Variants in DGKB observed in about 807,000 individuals in gnomAD.
DGKB encodes the protein diacylglycerol kinase beta.
A neutral mutation model predicts 114.3 loss-of-function variants in DGKB; 67 were observed. The observed-to-expected ratio is 0.59, with a 90% CI of 0.48 to 0.72. The LOEUF is 0.72. Among genes scored for constraint, DGKB ranks in the 30% least tolerant of loss-of-function variants. DGKB has a pLI of 0.00. For synonymous variants in DGKB, 398 were observed against 323.1 expected, an observed-to-expected ratio of 1.23 and a Z score of -2.49; for missense variants, 907 against 975.2, an observed-to-expected ratio of 0.93 and a Z score of 0.93.
At chr7:14,446,809 T>C (rs1830781415) in intron 21 of DGKB, among the ~76,000 whole-genome samples, 1 of 151,882 alleles carries the variant, frequency 6.6e-6, no homozygotes, top group Non-Finnish European at 1.5e-5. Context: ...TCTAATCCAA[T>C]AGTGAGAGAG....
intron 13 of DGKB, among the ~76,000 whole-genome samples, chr7:14,667,188 G>C (rs1431094174): frequency 6.6e-6 from 1 of 151,876 alleles, no homozygotes; most frequent in East Asian, 1.9e-4. Flanking sequence ...ACAACGATTG[G>C]GGAGGAATGG....
At chr7:14,586,181 A>C (rs758568302) in intron 17 of DGKB, among the ~76,000 whole-genome samples, 1 of 152,152 alleles carries the variant, frequency 6.6e-6, no homozygotes, top group Non-Finnish European at 1.5e-5. Context: ...AAGCGAAGGC[A>C]AAGTTATTGA....
At chr7:14,331,537 A>C (rs1210055113) in intron 23 of DGKB, among the ~76,000 whole-genome samples, 1 of 152,112 alleles carries the variant, frequency 6.6e-6, no homozygotes, top group Non-Finnish European at 1.5e-5. Context: ...TGGATGACAA[A>C]TGTCCATTGC....
At chr7:14,880,332 C>G (rs1854030670) in intron 1 of DGKB, among the ~76,000 whole-genome samples, 1 of 152,124 alleles carries the variant, frequency 6.6e-6, no homozygotes, top group Non-Finnish European at 1.5e-5. Flanking sequence ...GTGGCATACA[C>G]CTGTAGTCCC....
chr7:14,312,744 G>A (rs1284774600), intron 23 of DGKB, among the ~76,000 whole-genome samples: 3 of 152,272 alleles, frequency 2.0e-5, no homozygotes, highest in African/African-American at 7.2e-5. Flanking sequence ...GGGGTAGTTG[G>A]CAGATATTTT....
At chr7:14,284,120 C>G (rs2128460346) in intron 23 of DGKB, among the ~76,000 whole-genome samples, 1 of 152,122 alleles carries the variant, frequency 6.6e-6, no homozygotes, top group East Asian at 1.9e-4. Context: ...GCTCATCTGA[C>G]AAAGGGCTAA....
At chr7:14,837,459 C>T (rs540673771) in intron 2 of DGKB, among the ~76,000 whole-genome samples, 1 of 152,140 alleles carries the variant, frequency 6.6e-6, no homozygotes, top group Non-Finnish European at 1.5e-5. Context: ...TTCCACAGCC[C>T]CACCTTATTC....
intron 1 of DGKB, among the ~76,000 whole-genome samples, chr7:14,863,546 A>T (rs1851282005): frequency 6.6e-6 from 1 of 152,040 alleles, no homozygotes; most frequent in Admixed American, 6.6e-5. Flanking sequence ...AGATGGGCAT[A>T]TACTACATAC....
chr7:14,484,996 C>T (rs115094171), intron 20 of DGKB, among the ~76,000 whole-genome samples: 259 of 151,318 alleles, frequency 1.7e-3, no homozygotes, highest in Non-Finnish European at 3.0e-3. Flanking sequence ...AAAAATAATA[C>T]CATTTACAAT....
intron 23 of DGKB, among the ~76,000 whole-genome samples, chr7:14,214,247 C>T (rs1215507607): frequency 6.6e-6 from 1 of 152,132 alleles, no homozygotes; most frequent in African/African-American, 2.4e-5. Context: ...ATAATCTTGT[C>T]TCTAGCTCTA....
intron 23 of DGKB, among the ~76,000 whole-genome samples, chr7:14,275,010 T>C (rs1030787434): frequency 6.6e-6 from 1 of 151,852 alleles, no homozygotes; most frequent in African/African-American, 2.4e-5. Context: ...TTTCTTCTGT[T>C]TGAAATGGCC....
intron 23 of DGKB, among the ~76,000 whole-genome samples, chr7:14,325,795 G>A (rs940562450): frequency 1.3e-5 from 2 of 152,076 alleles, no homozygotes; most frequent in African/African-American, 4.8e-5. Flanking sequence ...TTCTAGAAGG[G>A]CTACTGGTCC....
intron 2 of DGKB, among the ~76,000 whole-genome samples, chr7:14,798,673 C>T (rs1422916860): frequency 6.6e-6 from 1 of 152,076 alleles, no homozygotes; most frequent in Non-Finnish European, 1.5e-5. Flanking sequence ...TCCCAGGACA[C>T]CCAAAACATC....
chr7:14,374,260 A>G (rs1033709082), intron 21 of DGKB, among the ~76,000 whole-genome samples: 1 of 152,042 alleles, frequency 6.6e-6, no homozygotes, highest in East Asian at 1.9e-4. Context: ...TCCTCTTTTG[A>G]CTTTGGTTTA....
chr7:14,149,293 T>TA (rs1386351832), intron 25 of DGKB, 55 bp from the exon 26 acceptor site: 7 of 1,309,804 alleles, frequency 5.3e-6, no homozygotes, highest in Non-Finnish European at 7.5e-6. Flanking sequence ...TCCAGATAGA[T>TA]ACAATACCAA....
intron 7 of DGKB, 51 bp from the exon 8 acceptor site, chr7:14,698,220 T>G: frequency 8.5e-7 from 1 of 1,174,992 alleles, no homozygotes. Flanking sequence ...TTAGTGAGTT[T>G]TAAATCTTTC....
At chr7:14,689,414 G>A (rs1323129154) in intron 9 of DGKB, among the ~76,000 whole-genome samples, 1 of 151,648 alleles carries the variant, frequency 6.6e-6, no homozygotes, top group Admixed American at 6.6e-5. Flanking sequence ...CTCGTGATCC[G>A]CCCGCCTCGG....
intron 21 of DGKB, among the ~76,000 whole-genome samples, chr7:14,374,251 C>T (rs1818139441): frequency 6.6e-6 from 1 of 152,190 alleles, no homozygotes; most frequent in Non-Finnish European, 1.5e-5. Flanking sequence ...CATTAAACCT[C>T]CTCTTTTGAC....
intron 1 of DGKB, among the ~76,000 whole-genome samples, chr7:14,928,486 T>G (rs1420813381): frequency 6.6e-6 from 1 of 151,942 alleles, no homozygotes; most frequent in African/African-American, 2.4e-5. Flanking sequence ...ATAAATACTT[T>G]TTCCCTAATT....
Sources: allele counts gnomAD v4.1 joint callset (sites outside exome capture counted in the v4.1 genomes callset), GRCh38; gene constraint gnomAD v4.1.1; transcripts MANE v1.5; gene names NCBI Gene and HGNC (gene_info 2026-07-23, HGNC 2026-07-21).